The following STX7 variants were observed in gnomAD, a reference collection of about 807,000 sequenced individuals.
STX7 encodes the protein syntaxin-7.
In STX7, 34 loss-of-function variants were observed where a neutral mutation model predicts 39.6. That is an observed-to-expected ratio of 0.86 (90% CI 0.65 to 1.14). The LOEUF is 1.14. STX7 is among the 50% of genes most tolerant of loss of function. STX7 has a pLI of 0.00. For missense variants in STX7, 284 were observed against 310.4 expected, an observed-to-expected ratio of 0.92 and a Z score of 0.64; for synonymous variants, 119 against 99.1, an observed-to-expected ratio of 1.20 and a Z score of -1.19.
In STX7 at chr6:132,446,530, G is replaced by C. The variant is rs936743764; in HGVS notation, c.*14228C>G. The C allele has an allele frequency of 6.6e-6, 1 of 152,038 alleles. No individual in the cohort carries two copies. The highest frequency in any genetic ancestry group is 2.4e-5 in the African/African-American group (1 of 41,394). The allele number at this position is 152,038 out of a possible 1,614,324, so 9.4% of individuals were successfully genotyped here. On this transcript the variant is annotated 3_prime_UTR_variant, in exon 10 of 10. Coordinates refer to ENST00000367941, the MANE Select transcript of STX7 (RefSeq NM_003569.3). The stretch of plus-strand genomic sequence containing the variant: ...TGTGGAAGCTATCAACTATCGCATT[G>C]TCCCCAATGTCAGAATGTGCTGAAT...
rs1271993261 is a variant in STX7 at position 132,451,993 on chromosome 6, C to G, written c.*8765G>C. On this transcript the variant is annotated 3_prime_UTR_variant, in exon 10 of 10. Transcript: ENST00000367941. ...TTAAAACAGATGCAAAAATCCTTAACAAAATATTAGCCAAAAGAATTAAGC... is the reference window on the plus strand; with the variant it reads ...TTAAAACAGATGCAAAAATCCTTAAGAAAATATTAGCCAAAAGAATTAAGC... 1.3e-5 allele frequency: 2 copies of G among 152,118 alleles called. No homozygotes were observed. Among genetic ancestry groups the G allele is most frequent in the Non-Finnish European group, 2.9e-5 (2 of 67,988 alleles). The allele number at this position is 152,118 out of a possible 1,614,324, so 9.4% of individuals were successfully genotyped here. A position where few individuals can be genotyped will look rare whatever the true frequency, so the allele number is the denominator to read the frequency against.
rs9483465 is a variant in STX7, at chr6:132,488,017, T to C, written c.86-12355A>G. ...ATTTGAGACCTGTCTTCTTTTCTAA[T>C]ACAGGTGTTTAGTGCTCCCTTAAGT... On this transcript the variant is annotated intron_variant, in intron 2 of 9. Coordinates refer to ENST00000367941, the MANE Select transcript of STX7 (RefSeq NM_003569.3). Among the ~76,000 whole-genome samples the C allele has an allele frequency of 8.0e-3, 1,213 of 152,340 alleles. 11 individuals carry two copies. The highest frequency in any genetic ancestry group is 0.025 in the African/African-American group (1,058 of 41,568).
In STX7 at chr6:132,450,183, T is replaced by C. The variant is rs1029239399; in HGVS notation, c.*10575A>G. Reference sequence around the variant, plus strand: ...TAATGAGCCAGGAAATGAACTAATATTATGTGTGTTGTATTTTATCCAAGA... The same window carrying C: ...TAATGAGCCAGGAAATGAACTAATACTATGTGTGTTGTATTTTATCCAAGA... On this transcript the variant is annotated 3_prime_UTR_variant, in exon 10 of 10. Coordinates refer to ENST00000367941, the MANE Select transcript of STX7 (RefSeq NM_003569.3). 7.9e-5 allele frequency: 12 copies of C among 152,180 alleles called. No individual in the cohort carries two copies. Among genetic ancestry groups the C allele is most frequent in the African/African-American group, 2.7e-4 (11 of 41,440 alleles). 9.4% of individuals were successfully genotyped at this position (152,180 alleles called of 1,614,324 possible). A position where few individuals can be genotyped will look rare whatever the true frequency, so the allele number is the denominator to read the frequency against.
chr6:132,463,869 G>T, intron 9 of STX7, 124 bp downstream of exon 9: 2 of 873,278 alleles, frequency 2.3e-6, no homozygotes, highest in Non-Finnish European at 1.9e-6. Context: ...CTCTTCCATG[G>T]GATTTTAAAT....
chr6:132,486,909 C>T (rs188393785), intron 2 of STX7, among the ~76,000 whole-genome samples: 131 of 152,184 alleles, frequency 8.6e-4, no homozygotes, highest in African/African-American at 3.0e-3. Context: ...TCAGGTGATT[C>T]GCCAGCCTCA....
intron 7 of STX7, among the ~76,000 whole-genome samples, chr6:132,468,752 T>C (rs1397066557): frequency 6.6e-6 from 1 of 152,176 alleles, no homozygotes; most frequent in African/African-American, 2.4e-5. Context: ...GAAGGATCTA[T>C]AATAGAGAAG....
chr6:132,459,257 TCTGTAATC>T lies in STX7; in HGVS notation c.*1493_*1500del, dbSNP rs1273450756. The stretch of plus-strand genomic sequence containing the variant: ...CAATCACTCACTCACAAAAGAGTTT[TCTGTAATC>T]CCTTTTGTGGAAAAAAATGGAGTTT... On this transcript the variant is annotated 3_prime_UTR_variant, in exon 10 of 10. Transcript: ENST00000367941. The T allele has an allele frequency of 6.6e-6, 1 of 152,248 alleles. No individual in the cohort carries two copies. Among genetic ancestry groups the T allele is most frequent in the African/African-American group, 2.4e-5 (1 of 41,468 alleles). The allele number at this position is 152,248 out of a possible 1,614,324, so 9.4% of individuals were successfully genotyped here.
chr6:132,474,227 C>CAAAAAAA (rs67939950), intron 3 of STX7, among the ~76,000 whole-genome samples: 4 of 69,908 alleles, frequency 5.7e-5, no homozygotes, highest in Non-Finnish European at 7.7e-5. Flanking sequence ...GATCCTGTCT[C>CAAAAAAA]AAAAAAAAAA....
At chr6:132,507,683 A>T (rs1259994695) in intron 1 of STX7, among the ~76,000 whole-genome samples, 1 of 152,166 alleles carries the variant, frequency 6.6e-6, no homozygotes, top group Non-Finnish European at 1.5e-5. Context: ...ATTATTGCCA[A>T]ATAATATTCC....
At chr6:132,462,579 AGGG>A (rs1051050901) in intron 9 of STX7, among the ~76,000 whole-genome samples, 1 of 116,474 alleles carries the variant, frequency 8.6e-6, no homozygotes, top group Non-Finnish European at 1.7e-5. Flanking sequence ...TGGCATTTGC[AGGG>A]GTGTGTGTGT....
chr6:132,512,203 A>G (rs1360513220), intron 1 of STX7, among the ~76,000 whole-genome samples: 5 of 152,166 alleles, frequency 3.3e-5, no homozygotes, highest in Admixed American at 6.5e-5. Flanking sequence ...CAAGTTTTAT[A>G]TATTATATAT....
chr6:132,482,296 G>A (rs1188595096), intron 2 of STX7, among the ~76,000 whole-genome samples: 1 of 152,054 alleles, frequency 6.6e-6, no homozygotes, highest in Non-Finnish European at 1.5e-5. Context: ...ACATTAATTT[G>A]GTTGCATTCC....
At chr6:132,494,948 T>C (rs1039705003) in intron 2 of STX7, among the ~76,000 whole-genome samples, 2 of 152,102 alleles carry the variant, frequency 1.3e-5, no homozygotes, top group Non-Finnish European at 2.9e-5. Flanking sequence ...CTTGAGCATA[T>C]GTGGTAATGG....
chr6:132,490,331 T>C (rs892295754), intron 2 of STX7, among the ~76,000 whole-genome samples: 1 of 152,222 alleles, frequency 6.6e-6, no homozygotes, highest in Non-Finnish European at 1.5e-5. Flanking sequence ...CCAAACCTTT[T>C]ACTTCAGTCA....
At chr6:132,488,989 G>C (rs1435529565) in intron 2 of STX7, among the ~76,000 whole-genome samples, 2 of 151,928 alleles carry the variant, frequency 1.3e-5, no homozygotes, top group Non-Finnish European at 2.9e-5. Context: ...ATCACTTGAG[G>C]CCAGGAGTTC....
chr6:132,481,175 T>C (rs1775007006), intron 2 of STX7, among the ~76,000 whole-genome samples: 2 of 152,166 alleles, frequency 1.3e-5, no homozygotes, highest in East Asian at 1.9e-4. Context: ...AGCTTAGGTA[T>C]GAAAAAAGGA....
chr6:132,483,598 TTCA>T (rs1775062413), intron 2 of STX7, among the ~76,000 whole-genome samples: 1 of 152,200 alleles, frequency 6.6e-6, no homozygotes, highest in Non-Finnish European at 1.5e-5. Context: ...AAAACACTTT[TTCA>T]TTGTTTTGGA....
chr6:132,494,019 T>C (rs956136146), intron 2 of STX7, among the ~76,000 whole-genome samples: 6 of 152,182 alleles, frequency 3.9e-5, no homozygotes, highest in African/African-American at 1.4e-4. Flanking sequence ...ATAAATGTAG[T>C]ATCAAAACAT....
At chr6:132,470,961 A>T (rs879545811) in intron 5 of STX7, among the ~76,000 whole-genome samples, 1 of 152,222 alleles carries the variant, frequency 6.6e-6, no homozygotes, top group Non-Finnish European at 1.5e-5. Flanking sequence ...AAAATAACTC[A>T]TGATAGTTTC....
Sources: gnomAD v4.1 joint callset for allele counts (sites outside exome capture counted in the v4.1 genomes callset) on GRCh38, gnomAD v4.1.1 for gene constraint, MANE v1.5 for transcripts, NCBI Gene and HGNC (gene_info 2026-07-23, HGNC 2026-07-21) for gene names.